Variants in BTAF1 observed in about 807,000 individuals in gnomAD.
The protein encoded by BTAF1 is TATA-binding protein-associated factor 172.
Under a neutral mutation model 227.1 loss-of-function variants are expected in BTAF1, and 38 were observed. The ratio of observed to expected loss-of-function variants is 0.17; its 90% CI spans 0.13 to 0.22. BTAF1 has a LOEUF of 0.22. Ranked by LOEUF, BTAF1 falls within the 10% of genes least tolerant of loss-of-function variation. The pLI, the probability that BTAF1 is intolerant of heterozygous loss-of-function variation, is 1.00. For synonymous variants in BTAF1, 742 were observed against 751.9 expected (o/e 0.99, Z 0.21); for missense variants, 1,598 against 2,204.0 (o/e 0.73, Z 5.51).
At chr10:91,971,251 A>G (rs879672363) in intron 14 of BTAF1, among the ~76,000 whole-genome samples, 5 of 152,074 alleles carry the variant, frequency 3.3e-5, no homozygotes, top group African/African-American at 4.8e-5. Context: ...TCTTTACTGA[A>G]AGAGATGCTG....
At position 92,008,882 on chromosome 10, in the gene BTAF1, G is replaced by A. The variant is rs368809736; in HGVS notation, c.3867G>A (p.Leu1289=). ...ATAAGTATAAACTTCATGGAATTCT[G>A]TGTGATGACATGGGTTTAGGAAAAA... ...FLNKYKLHGI[L]CDDMGLGKTL... Residue 1289 remains leucine, a synonymous_variant, in exon 27 of 38, where the codon CTG becomes CTA. Coordinates refer to ENST00000265990, the MANE Select transcript of BTAF1 (RefSeq NM_003972.3). The A allele has an allele frequency of 1.2e-6, 2 of 1,613,040 alleles. No individual in the cohort carries two copies. Among genetic ancestry groups the A allele is most frequent in the African/African-American group, 2.7e-5 (2 of 74,904 alleles).
At chr10:92,009,333 A>T in intron 28 of BTAF1, 125 bp downstream of exon 28, 1 of 997,190 alleles carries the variant, frequency 1.0e-6, no homozygotes, top group Non-Finnish European at 1.4e-6. Context: ...AACTTCACTT[A>T]TGAAAAGTGA....
At position 92,030,605 on chromosome 10, in the gene BTAF1, A is replaced by C. The variant is rs991147888; in HGVS notation, c.*1672A>C. Among the ~76,000 whole-genome samples, 6 of 152,098 alleles carry C rather than the reference A, an allele frequency of 3.9e-5. No homozygotes were observed. Among genetic ancestry groups the C allele is most frequent in the African/African-American group, 1.4e-4 (6 of 41,444 alleles). On this transcript the variant is annotated 3_prime_UTR_variant, in exon 38 of 38. Transcript: ENST00000265990. The stretch of plus-strand genomic sequence containing the variant: ...AAGGGGCAAAAGAAATCACACCATA[A>C]AAGTTAGTACTTTTTCCCAATCTGA...
In BTAF1 at chr10:91,992,184, T is replaced by G; in HGVS notation, c.2920T>G (p.Tyr974Asp). Reference sequence around the variant, plus strand: ...CAAGCACAGAGGTATAATTACACTCTACAGGCACCAGAAAGCTGCCTTTGC... The same window carrying G: ...CAAGCACAGAGGTATAATTACACTCGACAGGCACCAGAAAGCTGCCTTTGC... Reference protein sequence around the residue: ...VTKHRGIITLYRHQKAAFAIT... With the variant: ...VTKHRGIITLDRHQKAAFAIT... The change falls in exon 21 of 38, where the codon TAC becomes GAC. Residue 974 changes from tyrosine to aspartate, a missense_variant. Tyr to Asp is a radical substitution (Grantham distance 160, BLOSUM62 -3). This residue lies in a region of BTAF1 where 425 missense variants were observed against 491.2 expected (regional missense o/e 0.87). Coordinates refer to ENST00000265990, the MANE Select transcript of BTAF1 (RefSeq NM_003972.3). 6.2e-7 allele frequency: 1 copy of G among 1,614,044 alleles called. No homozygotes were observed. The highest frequency in any genetic ancestry group is 8.5e-7 in the Non-Finnish European group (1 of 1,179,990).
Position 91,942,503 on chromosome 10 carries a change from T to C in BTAF1, c.335T>C (p.Leu112Ser). Residue 112 changes from leucine to serine, a missense_variant, in exon 4 of 38, where the codon TTA (leucine) becomes TCA (serine). By Grantham distance (145) the Leu-to-Ser change is moderately radical (BLOSUM62 -2). Coordinates refer to ENST00000265990, the MANE Select transcript of BTAF1 (RefSeq NM_003972.3). ...NFDRFDICRL[L>S]QHGASLLGSA... is the part of the protein sequence containing the mutation. Reference sequence around the variant, plus strand: ...GACAGATTTGATATATGTAGATTGTTACAACATGGTGCATCACTCCTGGGA... The same window carrying C: ...GACAGATTTGATATATGTAGATTGTCACAACATGGTGCATCACTCCTGGGA... 1 of 1,614,142 alleles carries C rather than the reference T, an allele frequency of 6.2e-7. No individual in the cohort carries two copies. The highest frequency in any genetic ancestry group is 8.5e-7 in the Non-Finnish European group (1 of 1,180,008).
At chr10:91,991,765 A>T (rs1324357105) in intron 20 of BTAF1, among the ~76,000 whole-genome samples, 1 of 146,642 alleles carries the variant, frequency 6.8e-6, no homozygotes, top group Non-Finnish European at 1.5e-5. Context: ...AGAAAAAAAA[A>T]ATTATATATA....
Position 91,996,555 on chromosome 10 carries a change from A to G in BTAF1, c.3496A>G (p.Ile1166Val), listed in dbSNP as rs144075270. 3 of 1,614,184 alleles carry G rather than the reference A, an allele frequency of 1.9e-6. No individual in the cohort carries two copies. The East Asian group carries it at 6.7e-5, about 36-fold the overall frequency. Residue 1166 changes from isoleucine to valine, a missense_variant, in exon 24 of 38, where the codon ATT becomes GTT. Ile to Val is a conservative substitution (Grantham distance 29). Around this residue, in one of 10 missense-constraint regions of BTAF1, gnomAD observed 425 missense variants for 491.2 expected, o/e 0.87. Coordinates refer to ENST00000265990, the MANE Select transcript of BTAF1 (RefSeq NM_003972.3). ...TGACAGTGTCAAACAAGAGGGTGCA[A>G]TTGAAGCACTTGCCTGTATCCTTTT... ...IDDSVKQEGAIEALACVMEQL... is the reference protein window; with the variant it reads ...IDDSVKQEGAVEALACVMEQL...
At chr10:91,936,931 A>G (rs563817549) in intron 2 of BTAF1, among the ~76,000 whole-genome samples, 88 of 152,086 alleles carry the variant, frequency 5.8e-4, no homozygotes, top group Non-Finnish European at 1.2e-3. Context: ...AAAGAGGCGA[A>G]GTTTGCCTTT....
At chr10:91,947,196 G>T (rs916945061) in intron 4 of BTAF1, among the ~76,000 whole-genome samples, 1 of 151,948 alleles carries the variant, frequency 6.6e-6, no homozygotes, top group Non-Finnish European at 1.5e-5. Flanking sequence ...TTTCCTCTGT[G>T]GTAAGAAGCA....
At position 91,990,454 on chromosome 10, in the gene BTAF1, A is replaced by G. The variant is rs143686072; in HGVS notation, c.2854+874A>G. Among the ~76,000 whole-genome samples, 1,101 of 151,680 alleles carry G rather than the reference A, an allele frequency of 7.3e-3. 9 individuals are homozygous for G. The highest frequency in any genetic ancestry group is 0.025 in the African/African-American group (1,020 of 41,298). On this transcript the variant is annotated intron_variant, in intron 20 of 37. Transcript: ENST00000265990. ...CTTTTAAAGAGAACTTGCTTGAGAT[A>G]TTTTTTAATATTTCTCGTTATGCTT...
At chr10:91,986,549 GT>G (rs11314626) in intron 19 of BTAF1, among the ~76,000 whole-genome samples, 145,692 of 152,128 alleles carry the variant, frequency 0.96, 70,110 homozygotes, top group East Asian at 1. Context: ...TAAAATTGCT[GT>G]TTTTTTTCCC....
At chr10:91,964,983 G>T (rs1846791906) in intron 13 of BTAF1, among the ~76,000 whole-genome samples, 1 of 152,064 alleles carries the variant, frequency 6.6e-6, no homozygotes, top group African/African-American at 2.4e-5. Context: ...CTTATATGTG[G>T]TTTCTGGCTC....
intron 32 of BTAF1, among the ~76,000 whole-genome samples, chr10:92,014,419 G>A (rs896085431): frequency 2.0e-5 from 3 of 152,088 alleles, no homozygotes; most frequent in African/African-American, 7.2e-5. Flanking sequence ...TAGAGACTGG[G>A]TCTTGCTGTG....
At chr10:91,942,315 T>C (rs1326749564) in intron 3 of BTAF1, 107 bp from the exon 4 acceptor site, 2 of 857,342 alleles carry the variant, frequency 2.3e-6, no homozygotes, top group African/African-American at 3.4e-5. Flanking sequence ...TGTGTGTGTG[T>C]GTGTGTGTGT....
chr10:92,016,054 T>C (rs1159801076), intron 32 of BTAF1, among the ~76,000 whole-genome samples: 1 of 152,226 alleles, frequency 6.6e-6, no homozygotes, highest in Non-Finnish European at 1.5e-5. Context: ...TTTATTTTCC[T>C]GAACAGTAGA....
intron 3 of BTAF1, 127 bp from the exon 4 acceptor site, chr10:91,942,295 A>AAGTGTGT (rs398114637): frequency 2.0e-4 from 113 of 553,730 alleles, no homozygotes; most frequent in South Asian, 3.1e-4. Flanking sequence ...TAAAAAAAAA[A>AAGTGTGT]GTTTGTGTGT....
Position 92,029,628 on chromosome 10 carries a change from G to A in BTAF1, c.*695G>A, listed in dbSNP as rs1296523734. 1.3e-5 allele frequency: 2 copies of A among 151,310 alleles called. No individual in the cohort carries two copies. The highest frequency in any genetic ancestry group is 3.0e-5 in the Non-Finnish European group (2 of 67,754). The allele number at this position is 151,310 out of a possible 1,614,324, so 9.4% of individuals were successfully genotyped here. A position where few individuals can be genotyped will look rare whatever the true frequency, so the allele number is the denominator to read the frequency against. On this transcript the variant is annotated 3_prime_UTR_variant, in exon 38 of 38. Transcript: ENST00000265990. The stretch of plus-strand genomic sequence containing the variant: ...GGTGGTTTTTTTTAATTTATCTAAT[G>A]GCTACGATATAGCCAGATTCAAATA...
chr10:91,957,869 C>T (rs1202121805), intron 8 of BTAF1, among the ~76,000 whole-genome samples: 1 of 152,138 alleles, frequency 6.6e-6, no homozygotes, highest in African/African-American at 2.4e-5. Context: ...AAGAAGTGGG[C>T]ACAGTGTCAA....
chr10:91,953,210 C>T (rs1377213932), intron 5 of BTAF1, among the ~76,000 whole-genome samples: 5 of 151,990 alleles, frequency 3.3e-5, no homozygotes, highest in East Asian at 3.9e-4. Context: ...AAAAATCTAA[C>T]GCACAGACTT....
Sources: gnomAD v4.1 joint callset for allele counts (sites outside exome capture counted in the v4.1 genomes callset) on GRCh38, gnomAD v4.1.1 for gene constraint, gnomAD v4.1.1 regional missense constraint, MANE v1.5 for transcripts, NCBI Gene and HGNC (gene_info 2026-07-23, HGNC 2026-07-21) for gene names.